The following EXD3 variants were observed in gnomAD, a reference collection of about 807,000 sequenced individuals.
The protein encoded by EXD3 is exonuclease 3'-5' domain containing 3, also known as exonuclease mut-7 homolog.
EXD3 carries 92 observed loss-of-function variants against 98.0 expected under a neutral mutation model. The observed-to-expected ratio is 0.94, with a 90% CI of 0.79 to 1.12. EXD3 has a LOEUF of 1.12. Ranked by LOEUF, EXD3 falls within the 50% of genes most tolerant of loss-of-function variation. The pLI is 0.00. For synonymous variants in EXD3, 569 were observed against 526.0 expected, an observed-to-expected ratio of 1.08 and a Z score of -1.12; for missense variants, 1,222 against 1,191.6, an observed-to-expected ratio of 1.03 and a Z score of -0.38.
intron 21 of EXD3, 144 bp from the exon 22 acceptor site, chr9:137,307,407 T>C: frequency 7.4e-7 from 1 of 1,344,060 alleles, no homozygotes; most frequent in Non-Finnish European, 9.8e-7. Context: ...ATCCGCTGAC[T>C]CTGCGTCCTC....
At position 137,344,738 on chromosome 9, in the gene EXD3, T is replaced by A. The variant is rs561323539; in HGVS notation, c.1998+3333A>T. Reference sequence around the variant, plus strand: ...TCCCCTCAGTCCCTCCTGCTCACATTCTATCATAAGCAGCAGGAACAGGCC... The same window carrying A: ...TCCCCTCAGTCCCTCCTGCTCACATACTATCATAAGCAGCAGGAACAGGCC... On this transcript the variant is annotated intron_variant, in intron 17 of 21. Transcript: ENST00000340951. 2.3e-4 allele frequency among the ~76,000 whole-genome samples: 35 copies of A among 150,098 alleles called. No individual in the cohort carries two copies. The East Asian group carries it at 2.5e-3, about 11-fold the overall frequency.
At chr9:137,333,552 TCGATCATGG>T (rs901516036) in intron 17 of EXD3, among the ~76,000 whole-genome samples, 1 of 152,164 alleles carries the variant, frequency 6.6e-6, no homozygotes, top group Admixed American at 6.5e-5. Context: ...GGGAGGCCAC[TCGATCATGG>T]GGGAGGATTT....
rs903422749 is a variant in EXD3, at chr9:137,361,139, C to T, written c.657-4771G>A. The stretch of plus-strand genomic sequence containing the variant: ...TCCATCTTCCCTCCTGGAGAAACTT[C>T]CAGCAACATGCGAGGGAAGGGGAAC... On this transcript the variant is annotated intron_variant, in intron 7 of 21. Coordinates refer to ENST00000340951, the MANE Select transcript of EXD3 (RefSeq NM_017820.5). 1.4e-4 allele frequency among the ~76,000 whole-genome samples: 12 copies of T among 87,194 alleles called. 2 individuals carry two copies. Among genetic ancestry groups the T allele is most frequent in the African/African-American group, 3.8e-4 (12 of 31,500 alleles). The allele number at this position is 87,194 out of a possible 152,430, so 57.2% of individuals were successfully genotyped here. A position where few individuals can be genotyped will look rare whatever the true frequency, so the allele number is the denominator to read the frequency against.
At chr9:137,319,956 C>T (rs1002125180) in intron 19 of EXD3, among the ~76,000 whole-genome samples, 55 of 152,234 alleles carry the variant, frequency 3.6e-4, no homozygotes, top group African/African-American at 1.3e-3. Flanking sequence ...ACCTGGGCTC[C>T]GACCTGAGGC....
intron 1 of EXD3, among the ~76,000 whole-genome samples, chr9:137,414,571 C>A (rs1838151091): frequency 6.6e-6 from 1 of 152,212 alleles, no homozygotes; most frequent in Non-Finnish European, 1.5e-5. Context: ...ACGCTAGCAT[C>A]GATAACACAC....
chr9:137,422,112 TAAAAAAA>T (rs35073810), intron 1 of EXD3, among the ~76,000 whole-genome samples: 1 of 119,504 alleles, frequency 8.4e-6, no homozygotes, highest in African/African-American at 3.1e-5. Flanking sequence ...GTGGTGTTCT[TAAAAAAA>T]AAAAAAAAAA....
rs543549531 is a variant in EXD3, at chr9:137,405,240, C to A, written c.-47-9836G>T. 6.6e-6 allele frequency among the ~76,000 whole-genome samples: 1 copy of A among 152,342 alleles called. No homozygotes were observed. Among genetic ancestry groups the A allele is most frequent in the East Asian group, 1.9e-4 (1 of 5,188 alleles). On this transcript the variant is annotated intron_variant, in intron 1 of 21. Coordinates refer to ENST00000340951, the MANE Select transcript of EXD3 (RefSeq NM_017820.5). The surrounding 1 kb of genome is among the most constrained non-coding windows in gnomAD (Gnocchi z 4.1). ...TGGGGTCCGGCACAGTGGGCTCTGA[C>A]CCACAGAGGGCTGGGCCAGCACCCC...
At chr9:137,417,591 C>G (rs929639999) in intron 1 of EXD3, among the ~76,000 whole-genome samples, 2 of 152,212 alleles carry the variant, frequency 1.3e-5, no homozygotes, top group Admixed American at 6.5e-5. Context: ...CGCGTCCGCA[C>G]AAACTACCCC....
intron 3 of EXD3, 39 bp from the exon 4 acceptor site, chr9:137,373,638 A>C: frequency 6.4e-7 from 1 of 1,550,966 alleles, no homozygotes; most frequent in Non-Finnish European, 8.7e-7. Flanking sequence ...TTTGTCTTGC[A>C]CTCAAAGCCT....
At chr9:137,398,589 A>AAGACACACAGGCAC (rs1837326919) in intron 1 of EXD3, among the ~76,000 whole-genome samples, 3 of 110,110 alleles carry the variant, frequency 2.7e-5, no homozygotes, top group Admixed American at 1.8e-4. Context: ...CACACAGGCA[A>AAGACACACAGGCAC]CCGCGTCCCC....
At position 137,366,086 on chromosome 9, in the gene EXD3, G is replaced by A. The variant is rs1026293747; in HGVS notation, c.656+407C>T. ...CCCTGAATCCATACAGGCACCATAT[G>A]GGCTCCTTGTCAGGTGCTGCCTTTT... On this transcript the variant is annotated intron_variant, in intron 7 of 21. Coordinates refer to ENST00000340951, the MANE Select transcript of EXD3 (RefSeq NM_017820.5). The A allele has an allele frequency of 8.7e-6, 6 of 688,714 alleles. No homozygotes were observed. In the African/African-American group the frequency reaches 1.1e-4, roughly 12 times the overall value. 42.7% of individuals were successfully genotyped at this position (688,714 alleles called of 1,614,324 possible).
At chr9:137,418,465 G>C (rs1838344623) in intron 1 of EXD3, among the ~76,000 whole-genome samples, 1 of 152,122 alleles carries the variant, frequency 6.6e-6, no homozygotes, top group Non-Finnish European at 1.5e-5. Flanking sequence ...TTTTTATATG[G>C]CATAGGAAAG....
chr9:137,384,045 G>A (rs933910666), intron 2 of EXD3, among the ~76,000 whole-genome samples: 10 of 152,198 alleles, frequency 6.6e-5, no homozygotes, highest in Admixed American at 3.3e-4. Flanking sequence ...GGTCAGGGTC[G>A]GAGGCCAGGG....
rs866064147 is a variant in EXD3 at position 137,398,875 on chromosome 9, G to A, written c.-47-3471C>T. On this transcript the variant is annotated intron_variant, in intron 1 of 21. Coordinates refer to ENST00000340951, the MANE Select transcript of EXD3 (RefSeq NM_017820.5). ...AAGACACACAGGCACCCGCGTCCCC[G>A]TGACACACATGCACCCGCGTCCCCA... is the stretch of plus-strand genomic sequence containing the variant. 5.5e-3 allele frequency among the ~76,000 whole-genome samples: 545 copies of A among 99,384 alleles called. 12 individuals are homozygous for A. Among genetic ancestry groups the A allele is most frequent in the African/African-American group, 0.02 (510 of 25,440 alleles). 65.2% of individuals were successfully genotyped at this position (99,384 alleles called of 152,430 possible). A position where few individuals can be genotyped will look rare whatever the true frequency, so the allele number is the denominator to read the frequency against.
At chr9:137,327,990 T>C (rs73576740) in intron 17 of EXD3, among the ~76,000 whole-genome samples, 410 of 4,538 alleles carry the variant, frequency 0.09, no homozygotes, top group Middle Eastern at 0.5. Context: ...TATACACCCA[T>C]ATGATGAGTA....
In EXD3 at chr9:137,354,347, G is replaced by A; in HGVS notation, c.862C>T (p.His288Tyr). The change falls in exon 10 of 22, where the codon CAT (histidine) becomes TAT (tyrosine). Residue 288 changes from histidine (H) to tyrosine (Y), a missense_variant. Physicochemically the swap from His to Tyr is moderately conservative, Grantham distance 83 (BLOSUM62 2). Transcript: ENST00000340951. ...KSLSQENWTD[H>Y]VQGLVGQSPW... is the part of the protein sequence containing the mutation. ...CAAGGGCACGAACTCACCTGCACAT[G>A]GTCGGTCCAGTTCTCCTGTGACAGG... is the stretch of plus-strand genomic sequence containing the variant. 1.2e-6 allele frequency: 2 copies of A among 1,612,422 alleles called. No homozygotes were observed. Among genetic ancestry groups the A allele is most frequent in the South Asian group, 2.2e-5 (2 of 91,076 alleles).
chr9:137,368,495 G>A (rs563318104), intron 5 of EXD3, among the ~76,000 whole-genome samples: 270 of 152,334 alleles, frequency 1.8e-3, no homozygotes, highest in African/African-American at 6.2e-3. Context: ...CGGGCACCCC[G>A]CGAGCGCTCC....
chr9:137,320,807 A>G (rs561835717), intron 19 of EXD3, among the ~76,000 whole-genome samples: 17 of 152,122 alleles, frequency 1.1e-4, no homozygotes, highest in Non-Finnish European at 2.2e-4. Context: ...CAGCTACCCA[A>G]CTTCCTGTTT....
intron 17 of EXD3, among the ~76,000 whole-genome samples, chr9:137,334,864 T>G (rs916740721): frequency 6.6e-6 from 1 of 151,850 alleles, no homozygotes; most frequent in African/African-American, 2.4e-5. Flanking sequence ...GATCACGAGG[T>G]CAGGAGATCG....
Sources: gnomAD v4.1 joint callset for allele counts (sites outside exome capture counted in the v4.1 genomes callset) on GRCh38, gnomAD v4.1.1 for gene constraint, Gnocchi (gnomAD v3.1) non-coding constraint, MANE v1.5 for transcripts, NCBI Gene and HGNC (gene_info 2026-07-23, HGNC 2026-07-21) for gene names.